Variants in ITGA9 observed in about 807,000 individuals in gnomAD.
ITGA9 encodes the protein integrin subunit alpha 9.
ITGA9 carries 56 observed loss-of-function variants against 127.8 expected under a neutral mutation model. The ratio of observed to expected loss-of-function variants is 0.44; its 90% CI spans 0.35 to 0.55. The LOEUF (loss-of-function observed/expected upper bound fraction) is 0.55. Ranked by LOEUF, ITGA9 falls within the 20% of genes least tolerant of loss-of-function variation. The probability of loss-of-function intolerance (pLI) is 0.00; values close to 1 mark genes in which losing one functional copy is unlikely to be tolerated. For synonymous variants in ITGA9, 508 were observed against 514.5 expected (o/e 0.99, Z 0.17); for missense variants, 1,196 against 1,347.1 (o/e 0.89, Z 1.76).
chr3:37,730,383 A>G (rs1696273206), intron 18 of ITGA9, among the ~76,000 whole-genome samples: 2 of 152,218 alleles, frequency 1.3e-5, no homozygotes, highest in East Asian at 1.9e-4. Context: ...CAGGAGGAAT[A>G]TGAGGAAGAA....
chr3:37,566,603 G>A (rs1239560281), intron 15 of ITGA9, among the ~76,000 whole-genome samples: 1 of 152,236 alleles, frequency 6.6e-6, no homozygotes, highest in African/African-American at 2.4e-5. Flanking sequence ...GGCCAGGTGG[G>A]ATAAGTGCTG....
intron 18 of ITGA9, among the ~76,000 whole-genome samples, chr3:37,715,014 C>T (rs1353557539): frequency 6.6e-6 from 1 of 152,162 alleles, no homozygotes; most frequent in Non-Finnish European, 1.5e-5. Flanking sequence ...AATCATAATA[C>T]TGGATTGAGG....
At chr3:37,809,547 A>G (rs935455270) in intron 27 of ITGA9, among the ~76,000 whole-genome samples, 1 of 152,132 alleles carries the variant, frequency 6.6e-6, no homozygotes, top group Non-Finnish European at 1.5e-5. Flanking sequence ...TGCAGCATTT[A>G]TGTCAGAGTG....
At chr3:37,492,460 G>A (rs945946525) in intron 4 of ITGA9, among the ~76,000 whole-genome samples, 2 of 152,238 alleles carry the variant, frequency 1.3e-5, no homozygotes, top group Non-Finnish European at 2.9e-5. Context: ...GCCAGAAGTG[G>A]GGTATTCTTA....
At chr3:37,694,571 A>G (rs1350974129) in intron 18 of ITGA9, among the ~76,000 whole-genome samples, 2 of 152,250 alleles carry the variant, frequency 1.3e-5, no homozygotes, top group East Asian at 1.9e-4. Flanking sequence ...AAGGAAGGCT[A>G]TGTTTTGCTT....
At chr3:37,810,501 C>T (rs562932627) in intron 27 of ITGA9, among the ~76,000 whole-genome samples, 29 of 152,080 alleles carry the variant, frequency 1.9e-4, no homozygotes, top group Admixed American at 7.2e-4. Flanking sequence ...CTGCAACCTC[C>T]GCCTCCCGGG....
intron 15 of ITGA9, among the ~76,000 whole-genome samples, chr3:37,599,703 C>A (rs563918904): frequency 2.3e-4 from 35 of 152,286 alleles, no homozygotes; most frequent in African/African-American, 8.4e-4. Context: ...CTTTACTTAA[C>A]CTTCGTCTAT....
chr3:37,501,500 G>A (rs889373975), intron 5 of ITGA9, among the ~76,000 whole-genome samples: 3 of 152,132 alleles, frequency 2.0e-5, no homozygotes, highest in African/African-American at 7.2e-5. Context: ...TTTGACAAAT[G>A]TGTATACCAT....
intron 26 of ITGA9, among the ~76,000 whole-genome samples, chr3:37,785,678 G>A (rs1017945691): frequency 2.0e-5 from 3 of 151,972 alleles, no homozygotes; most frequent in Admixed American, 6.6e-5. Context: ...AGGGTTCCAC[G>A]ATGTTGCTCA....
intron 15 of ITGA9, among the ~76,000 whole-genome samples, chr3:37,622,208 C>T (rs1430283644): frequency 6.6e-6 from 1 of 151,466 alleles, no homozygotes; most frequent in Non-Finnish European, 1.5e-5. Flanking sequence ...CTGCCTCAGC[C>T]TCCCAAGCAG....
intron 18 of ITGA9, among the ~76,000 whole-genome samples, chr3:37,714,514 G>A (rs898580500): frequency 1.3e-5 from 2 of 152,156 alleles, no homozygotes; most frequent in Non-Finnish European, 2.9e-5. Flanking sequence ...GAGTCCATGG[G>A]CTCAGCAGGC....
chr3:37,654,246 A>C (rs908995772), intron 17 of ITGA9, among the ~76,000 whole-genome samples: 7 of 151,112 alleles, frequency 4.6e-5, no homozygotes, highest in African/African-American at 1.7e-4. Flanking sequence ...GTATGTTTTA[A>C]CAAGTAACAT....
chr3:37,684,107 A>G, intron 18 of ITGA9, 92 bp downstream of exon 18: 1 of 1,078,070 alleles, frequency 9.3e-7, no homozygotes, highest in Non-Finnish European at 1.4e-6. Flanking sequence ...TGATTCTACA[A>G]GCACTAATCC....
intron 27 of ITGA9, among the ~76,000 whole-genome samples, chr3:37,804,572 C>T (rs1697271556): frequency 6.6e-6 from 1 of 152,198 alleles, no homozygotes; most frequent in Non-Finnish European, 1.5e-5. Flanking sequence ...TCCTTCAGAG[C>T]CTCTCTATTC....
At chr3:37,640,882 A>G (rs1360337877) in intron 16 of ITGA9, among the ~76,000 whole-genome samples, 1 of 152,030 alleles carries the variant, frequency 6.6e-6, no homozygotes, top group East Asian at 1.9e-4. Flanking sequence ...TACATGAGGG[A>G]AATGTGAGAA....
intron 15 of ITGA9, among the ~76,000 whole-genome samples, chr3:37,586,002 C>T (rs1699756162): frequency 6.6e-6 from 1 of 152,164 alleles, no homozygotes; most frequent in Non-Finnish European, 1.5e-5. Flanking sequence ...TGGTCTGTGA[C>T]TGAGGAGACG....
At chr3:37,490,965 T>TC (rs1368572287) in intron 4 of ITGA9, among the ~76,000 whole-genome samples, 21 of 87,968 alleles carry the variant, frequency 2.4e-4, no homozygotes, top group African/African-American at 6.2e-4. Context: ...CAGATTTGGC[T>TC]TCCCCCCCGC....
At chr3:37,725,998 G>A (rs924298278) in intron 18 of ITGA9, among the ~76,000 whole-genome samples, 1 of 152,198 alleles carries the variant, frequency 6.6e-6, no homozygotes, top group Non-Finnish European at 1.5e-5. Context: ...ATTCCCCTCT[G>A]GGAATACGAC....
intron 18 of ITGA9, among the ~76,000 whole-genome samples, chr3:37,715,589 G>A (rs959063259): frequency 4.6e-5 from 7 of 152,208 alleles, no homozygotes; most frequent in Non-Finnish European, 1.0e-4. Context: ...AATTAAATGA[G>A]TCCATGTTTA....
Sources: allele counts gnomAD v4.1 joint callset (sites outside exome capture counted in the v4.1 genomes callset), GRCh38; gene constraint gnomAD v4.1.1; transcripts MANE v1.5; gene names NCBI Gene and HGNC (gene_info 2026-07-23, HGNC 2026-07-21).